TBX19: variants seen among roughly 807,000 people sequenced by gnomAD.
TBX19 encodes the protein T-box transcription factor 19.
A neutral mutation model predicts 40.9 loss-of-function variants in TBX19; 33 were observed. The ratio of observed to expected loss-of-function variants is 0.81; its 90% CI spans 0.61 to 1.08. The LOEUF (loss-of-function observed/expected upper bound fraction) is 1.08, where lower values mean the gene tolerates loss of function less well. Among genes scored for constraint, TBX19 ranks in the 50% least tolerant of loss-of-function variants. TBX19 has a pLI of 0.00. For synonymous variants in TBX19, 220 were observed against 225.0 expected (o/e 0.98, Z 0.20); for missense variants, 494 against 574.0 (o/e 0.86, Z 1.42).
chr1:168,282,258 T>G (rs1648677888), intron 1 of TBX19, among the ~76,000 whole-genome samples: 1 of 152,188 alleles, frequency 6.6e-6, no homozygotes, highest in Non-Finnish European at 1.5e-5. Flanking sequence ...CATCTGAACT[T>G]CTTTCTGTCA....
At position 168,314,255 on chromosome 1, in the gene TBX19, A is replaced by AT. The variant is rs1649591139; in HGVS notation, c.*1254dup. On this transcript the variant is annotated 3_prime_UTR_variant, in exon 8 of 8. Coordinates refer to ENST00000367821, the MANE Select transcript of TBX19 (RefSeq NM_005149.3). The stretch of plus-strand genomic sequence containing the variant: ...TTCTCCCGTTGTTTTTGCCTCTGCC[A>AT]TAGAGCTCACCTCATTTTGCCTTGT... The AT allele has an allele frequency of 6.5e-6, 1 of 152,836 alleles. No individual in the cohort carries two copies. Among genetic ancestry groups the AT allele is most frequent in the Admixed American group, 6.5e-5 (1 of 15,280 alleles). 9.5% of individuals were successfully genotyped at this position (152,836 alleles called of 1,614,324 possible).
rs1472416820 is a variant in TBX19 at position 168,293,236 on chromosome 1, T to C, written c.561T>C (p.Pro187=). The C allele has an allele frequency of 1.2e-6, 2 of 1,612,640 alleles. No individual in the cohort carries two copies. Among genetic ancestry groups the C allele is most frequent in the East Asian group, 4.5e-5 (2 of 44,766 alleles). Residue 187 remains proline, a synonymous_variant, in exon 3 of 8, where the codon CCT becomes CCC. Coordinates refer to ENST00000367821, the MANE Select transcript of TBX19 (RefSeq NM_005149.3). ...AHRMVTNCSF[P]ETQFIAVTAY... ...GAATGGTAACAAACTGCTCCTTCCCTGAAACCCAGTTCATAGCCGTGACTG... is the reference window on the plus strand; with the variant it reads ...GAATGGTAACAAACTGCTCCTTCCCCGAAACCCAGTTCATAGCCGTGACTG...
At chr1:168,301,645 A>G (rs958319484) in intron 5 of TBX19, among the ~76,000 whole-genome samples, 2 of 152,252 alleles carry the variant, frequency 1.3e-5, no homozygotes, top group African/African-American at 4.8e-5. Flanking sequence ...ATTTGGGTCA[A>G]GTTTGAGGAC....
intron 6 of TBX19, chr1:168,307,909 C>T (rs904455919): frequency 6.6e-6 from 1 of 152,070 alleles, no homozygotes; most frequent in Non-Finnish European, 1.5e-5. Context: ...ATTTCCAGTA[C>T]ACAGTACAAT....
In TBX19 at chr1:168,286,733, T is replaced by C. The variant is rs1648814504; in HGVS notation, c.204-4427T>C. 1.3e-5 allele frequency among the ~76,000 whole-genome samples: 2 copies of C among 152,248 alleles called. 1 individual carries two copies. The highest frequency in any genetic ancestry group is 2.9e-5 in the Non-Finnish European group (2 of 68,036). On this transcript the variant is annotated intron_variant, in intron 1 of 7. Transcript: ENST00000367821. Reference sequence around the variant, plus strand: ...TGGAGCTATGTTTTCATTTTTCTTGTGTATATACCTAGGAGTGGAATTGCT... The same window carrying C: ...TGGAGCTATGTTTTCATTTTTCTTGCGTATATACCTAGGAGTGGAATTGCT...
chr1:168,291,156 T>G lies in TBX19; in HGVS notation c.204-4T>G, dbSNP rs1558190308. 1.2e-6 allele frequency: 2 copies of G among 1,614,104 alleles called. No homozygotes were observed. The highest frequency in any genetic ancestry group is 3.3e-4 in the Middle Eastern group (2 of 6,062). ...TGTGGCTAAGTTTCTGCCTTTCCTT[T>G]TAGACGGATGTTTCCAGTCCTAAAG... On this transcript the variant is annotated splice_polypyrimidine_tract_variant and splice_region_variant and intron_variant, in intron 1 of 7. Coordinates refer to ENST00000367821, the MANE Select transcript of TBX19 (RefSeq NM_005149.3).
intron 1 of TBX19, among the ~76,000 whole-genome samples, chr1:168,286,637 C>T (rs1310618411): frequency 6.6e-6 from 1 of 152,200 alleles, no homozygotes; most frequent in African/African-American, 2.4e-5. Flanking sequence ...AGTTCATGGA[C>T]ATTTGCATTT....
chr1:168,292,295 A>G (rs1018018813), intron 2 of TBX19, among the ~76,000 whole-genome samples: 5 of 152,224 alleles, frequency 3.3e-5, no homozygotes, highest in Non-Finnish European at 5.9e-5. Flanking sequence ...GAAATTGAAC[A>G]GTAAATTGTT....
Position 168,305,171 on chromosome 1 carries a change from C to T in TBX19, c.891C>T (p.Tyr297=). The T allele has an allele frequency of 6.2e-7, 1 of 1,612,990 alleles. No homozygotes were observed. Among genetic ancestry groups the T allele is most frequent in the South Asian group, 1.1e-5 (1 of 91,076 alleles). Reference sequence around the variant, plus strand: ...GGCAGGCTCCCTACCCTTCTGCGTACATGCACAGAAACCATTCTCCCTCAG... The same window carrying T: ...GGCAGGCTCCCTACCCTTCTGCGTATATGCACAGAAACCATTCTCCCTCAG... The part of the protein sequence containing the change: ...GHRQAPYPSA[Y]MHRNHSPSVN... Residue 297 remains tyrosine (Y), a synonymous_variant, in exon 6 of 8, where the codon TAC becomes TAT. Coordinates refer to ENST00000367821, the MANE Select transcript of TBX19 (RefSeq NM_005149.3).
At position 168,312,958 on chromosome 1, in the gene TBX19, C is replaced by A; in HGVS notation, c.1303C>A (p.Pro435Thr). 6.2e-7 allele frequency: 1 copy of A among 1,614,204 alleles called. No homozygotes were observed. Among genetic ancestry groups the A allele is most frequent in the Non-Finnish European group, 8.5e-7 (1 of 1,180,040 alleles). ...GCATCCCTTCGCGGGCTGGGGTGGC[C>A]CAGGAGCGGGTGGGCACCATTCTCC... ...ASHPFAGWGGPGAGGHHSPSS... is the reference protein window; with the variant it reads ...ASHPFAGWGGTGAGGHHSPSS... Residue 435 changes from proline (P) to threonine (T), a missense_variant, in exon 8 of 8, where the codon CCA (proline) becomes ACA (threonine). Physicochemically the swap from Pro to Thr is conservative, Grantham distance 38. Coordinates refer to ENST00000367821, the MANE Select transcript of TBX19 (RefSeq NM_005149.3).
At position 168,304,940 on chromosome 1, in the gene TBX19, T is replaced by C. The variant is rs998864104; in HGVS notation, c.728-68T>C. ...AAGAATTGTAGCTGTGTAAAGTAGC[T>C]GGTCACCTGATTTTTGGTGTGGGAG... is the stretch of plus-strand genomic sequence containing the variant. On this transcript the variant is annotated intron_variant, in intron 5 of 7. Transcript: ENST00000367821. The C allele has an allele frequency of 1.5e-5, 22 of 1,485,194 alleles. No homozygotes were observed. The African/African-American group carries it at 2.1e-4, about 14-fold the overall frequency. 92.0% of individuals were successfully genotyped at this position (1,485,194 alleles called of 1,614,324 possible). A position where few individuals can be genotyped will look rare whatever the true frequency, so the allele number is the denominator to read the frequency against.
At chr1:168,297,310 T>C (rs1409106755) in intron 3 of TBX19, among the ~76,000 whole-genome samples, 6 of 152,352 alleles carry the variant, frequency 3.9e-5, no homozygotes, top group African/African-American at 1.4e-4. Flanking sequence ...CTCTCCACTG[T>C]GTACCAAGTA....
rs576870134 is a variant in TBX19 at position 168,305,513 on chromosome 1, A to G, written c.916+317A>G. On this transcript the variant is annotated intron_variant, in intron 6 of 7. Transcript: ENST00000367821. ...CAGGCAGATCTCTAAAAGCCATGTC[A>G]AGTTGTGTGGGTCTGAAACACTCAG... 2.0e-5 allele frequency among the ~76,000 whole-genome samples: 3 copies of G among 152,284 alleles called. No individual in the cohort carries two copies. The East Asian group carries it at 5.8e-4, about 29-fold the overall frequency.
intron 1 of TBX19, among the ~76,000 whole-genome samples, chr1:168,283,046 G>A (rs539039526): frequency 2.0e-5 from 3 of 152,256 alleles, no homozygotes; most frequent in Admixed American, 1.3e-4. Context: ...TATTTAAAAT[G>A]TAATATTCTT....
At chr1:168,304,889 C>T (rs1649361839) in intron 5 of TBX19, 119 bp from the exon 6 acceptor site, 4 of 1,051,204 alleles carry the variant, frequency 3.8e-6, no homozygotes, top group Non-Finnish European at 5.8e-6. Flanking sequence ...GGCACCATCA[C>T]ACAGGCTGGC....
chr1:168,308,593 T>C, intron 6 of TBX19, 149 bp from the exon 7 acceptor site: 1 of 1,013,354 alleles, frequency 9.9e-7, no homozygotes, highest in Non-Finnish European at 1.5e-6. Context: ...CGTTTCTTTT[T>C]ATTTTCTATT....
In TBX19 at chr1:168,304,103, C is replaced by T. The variant is rs141206148; in HGVS notation, c.728-905C>T. Among the ~76,000 whole-genome samples the T allele has an allele frequency of 7.8e-3, 1,182 of 152,272 alleles. 13 individuals carry two copies. The highest frequency in any genetic ancestry group is 9.5e-3 in the Non-Finnish European group (649 of 68,012). On this transcript the variant is annotated intron_variant, in intron 5 of 7. Transcript: ENST00000367821. ...CCGGCCCCTATTCAAGATGGAGTCACTCTGGTTCAAACACCTCTGACACAA... is the reference window on the plus strand; with the variant it reads ...CCGGCCCCTATTCAAGATGGAGTCATTCTGGTTCAAACACCTCTGACACAA...
At chr1:168,298,972 G>A (rs1397666369) in intron 4 of TBX19, among the ~76,000 whole-genome samples, 2 of 144,000 alleles carry the variant, frequency 1.4e-5, no homozygotes, top group African/African-American at 2.6e-5. Flanking sequence ...AGGCTGGAGT[G>A]GCACTATCTT....
intron 1 of TBX19, among the ~76,000 whole-genome samples, chr1:168,282,866 T>C (rs1648697086): frequency 6.6e-6 from 1 of 152,184 alleles, no homozygotes; most frequent in Non-Finnish European, 1.5e-5. Context: ...TAAAAATAAG[T>C]ACAATTACCA....
Sources: gnomAD v4.1 joint callset for allele counts (sites outside exome capture counted in the v4.1 genomes callset) on GRCh38, gnomAD v4.1.1 for gene constraint, MANE v1.5 for transcripts, NCBI Gene and HGNC (gene_info 2026-07-23, HGNC 2026-07-21) for gene names.